SPAG16: variants seen among roughly 807,000 people sequenced by gnomAD.
SPAG16 encodes the protein sperm associated antigen 16, also known as sperm-associated antigen 16 protein.
A neutral mutation model predicts 80.4 loss-of-function variants in SPAG16; 86 were observed. That is an observed-to-expected ratio of 1.07 (90% CI 0.90 to 1.28). SPAG16 has a LOEUF of 1.28. SPAG16 is among the 50% of genes most tolerant of loss of function. SPAG16 has a pLI of 0.00. For missense variants in SPAG16, 870 were observed against 765.3 expected (o/e 1.14, Z -1.61); for synonymous variants, 294 against 265.9 (o/e 1.11, Z -1.03).
intron 12 of SPAG16, among the ~76,000 whole-genome samples, chr2:213,968,097 T>TTTTTC (rs60171215): frequency 0.41 from 61,406 of 149,740 alleles, 12,615 homozygotes; most frequent in South Asian, 0.5. Context: ...CTTTCCTTCT[T>TTTTTC]TTTTCTTTTC....
chr2:213,855,222 T>A (rs2105921714), intron 10 of SPAG16, among the ~76,000 whole-genome samples: 1 of 152,342 alleles, frequency 6.6e-6, no homozygotes, highest in East Asian at 1.9e-4. Flanking sequence ...AAAATGCATC[T>A]GAATAAGTAC....
At chr2:214,398,602 A>C (rs993969820) in intron 15 of SPAG16, among the ~76,000 whole-genome samples, 4 of 152,218 alleles carry the variant, frequency 2.6e-5, no homozygotes, top group African/African-American at 9.7e-5. Flanking sequence ...ATAAAGAACA[A>C]ACTAATCACA....
intron 3 of SPAG16, 45 bp downstream of exon 3, chr2:213,297,402 C>A: frequency 8.5e-7 from 1 of 1,173,030 alleles, no homozygotes; most frequent in Non-Finnish European, 1.2e-6. Flanking sequence ...AGTGGTAGTG[C>A]TTTTTATATG....
intron 15 of SPAG16, among the ~76,000 whole-genome samples, chr2:214,221,208 C>G (rs1426376754): frequency 3.9e-5 from 6 of 152,166 alleles, no homozygotes; most frequent in Non-Finnish European, 8.8e-5. Context: ...GTTTTTCACT[C>G]TCACAGTAGT....
chr2:214,285,811 A>ATAAT (rs1344853173), intron 15 of SPAG16, among the ~76,000 whole-genome samples: 2 of 152,080 alleles, frequency 1.3e-5, no homozygotes, highest in Non-Finnish European at 2.9e-5. Context: ...TCAAATAATA[A>ATAAT]TAATAATAAA....
At chr2:213,437,152 G>T (rs1224696276) in intron 9 of SPAG16, among the ~76,000 whole-genome samples, 3 of 152,148 alleles carry the variant, frequency 2.0e-5, no homozygotes, top group Non-Finnish European at 4.4e-5. Context: ...GCCCGTCTCA[G>T]CCTTCCAAAG....
intron 15 of SPAG16, among the ~76,000 whole-genome samples, chr2:214,286,554 C>T (rs1213257413): frequency 6.6e-6 from 1 of 152,144 alleles, no homozygotes; most frequent in East Asian, 1.9e-4. Context: ...GGAGACCAGC[C>T]TGGCCAACCT....
intron 10 of SPAG16, among the ~76,000 whole-genome samples, chr2:213,751,572 TG>T (rs2068079396): frequency 6.6e-6 from 1 of 152,196 alleles, no homozygotes; most frequent in Admixed American, 6.5e-5. Flanking sequence ...GTCAGCCTCC[TG>T]TTGTCACCCC....
chr2:214,000,282 C>G (rs1254429369), intron 12 of SPAG16, among the ~76,000 whole-genome samples: 3 of 152,134 alleles, frequency 2.0e-5, no homozygotes, highest in Non-Finnish European at 4.4e-5. Context: ...CTGAATAAGT[C>G]TCACGAGTTC....
chr2:213,923,012 C>T (rs907200486), intron 11 of SPAG16, among the ~76,000 whole-genome samples: 1 of 152,152 alleles, frequency 6.6e-6, no homozygotes. Context: ...GTTGGAAGCT[C>T]TAGCAGGTGT....
chr2:214,065,578 AT>A (rs34554760), intron 13 of SPAG16, among the ~76,000 whole-genome samples: 13,226 of 152,210 alleles, frequency 0.087, 748 homozygotes, highest in East Asian at 0.28. Flanking sequence ...TGACTGGATC[AT>A]TTAGAAAAAC....
intron 13 of SPAG16, among the ~76,000 whole-genome samples, chr2:214,069,705 T>G (rs1276279404): frequency 6.6e-6 from 1 of 152,112 alleles, no homozygotes; most frequent in African/African-American, 2.4e-5. Context: ...CTGTCACCTT[T>G]TTTTTTGTTG....
chr2:213,584,205 T>C (rs1278823141), intron 10 of SPAG16, among the ~76,000 whole-genome samples: 1 of 151,756 alleles, frequency 6.6e-6, no homozygotes, highest in Non-Finnish European at 1.5e-5. Flanking sequence ...CTAGTCCAAC[T>C]AGCATGCCTG....
chr2:214,157,793 C>T (rs574705671), intron 15 of SPAG16, among the ~76,000 whole-genome samples: 6 of 152,112 alleles, frequency 3.9e-5, no homozygotes, highest in East Asian at 3.9e-4. Context: ...ATTCAGGAAA[C>T]GAAGTCTTGT....
At chr2:213,572,503 G>T (rs2126010623) in intron 10 of SPAG16, among the ~76,000 whole-genome samples, 1 of 150,982 alleles carries the variant, frequency 6.6e-6, no homozygotes, top group East Asian at 1.9e-4. Flanking sequence ...TGCCGTGTGA[G>T]GTGTCAGTAT....
At chr2:213,902,132 G>C (rs1158594117) in intron 11 of SPAG16, among the ~76,000 whole-genome samples, 1 of 152,136 alleles carries the variant, frequency 6.6e-6, no homozygotes, top group Non-Finnish European at 1.5e-5. Context: ...ATATTTTTCT[G>C]TAAGAACTGG....
intron 15 of SPAG16, among the ~76,000 whole-genome samples, chr2:214,408,669 T>C (rs994915659): frequency 6.6e-6 from 1 of 152,192 alleles, no homozygotes; most frequent in African/African-American, 2.4e-5. Flanking sequence ...ATTCTTATTA[T>C]AAAATGGACC....
intron 15 of SPAG16, among the ~76,000 whole-genome samples, chr2:214,222,610 T>G (rs1364854229): frequency 6.6e-6 from 1 of 152,232 alleles, no homozygotes; most frequent in Non-Finnish European, 1.5e-5. Flanking sequence ...TTTTTACACT[T>G]CATGACATAG....
chr2:214,332,907 G>A (rs10191229), intron 15 of SPAG16, among the ~76,000 whole-genome samples: 27,952 of 152,158 alleles, frequency 0.18, 2,811 homozygotes, highest in East Asian at 0.33. Context: ...ATGGGGATAG[G>A]AGTTCCTTAA....
Sources: gnomAD v4.1 joint callset for allele counts (sites outside exome capture counted in the v4.1 genomes callset) on GRCh38, gnomAD v4.1.1 for gene constraint, MANE v1.5 for transcripts, NCBI Gene and HGNC (gene_info 2026-07-23, HGNC 2026-07-21) for gene names.